Variants in NCAM2 observed in about 807,000 individuals in gnomAD.
The protein encoded by NCAM2 is N-CAM-2.
A neutral mutation model predicts 98.1 loss-of-function variants in NCAM2; 30 were observed. That is an observed-to-expected ratio of 0.31 (90% CI 0.23 to 0.41). The LOEUF (loss-of-function observed/expected upper bound fraction) is 0.41, where lower values mean the gene tolerates loss of function less well. Among genes scored for constraint, NCAM2 ranks in the 10% least tolerant of loss-of-function variants. The pLI is 1.00. For missense variants in NCAM2, 867 were observed against 1,005.8 expected, an observed-to-expected ratio of 0.86 and a Z score of 1.87; for synonymous variants, 368 against 342.4, an observed-to-expected ratio of 1.07 and a Z score of -0.83.
At chr21:21,023,213 CTG>C (rs2064471586) in intron 1 of NCAM2, among the ~76,000 whole-genome samples, 1 of 152,068 alleles carries the variant, frequency 6.6e-6, no homozygotes, top group African/African-American at 2.4e-5. Context: ...AATGAGGTAA[CTG>C]TACTAGTTAT....
At chr21:21,122,327 C>T (rs2066692881) in intron 1 of NCAM2, among the ~76,000 whole-genome samples, 2 of 152,142 alleles carry the variant, frequency 1.3e-5, no homozygotes, top group Admixed American at 1.3e-4. Context: ...GTGTTCCAGG[C>T]ACTCCATATA....
chr21:21,158,724 A>G (rs1218057018), intron 1 of NCAM2, among the ~76,000 whole-genome samples: 1 of 152,196 alleles, frequency 6.6e-6, no homozygotes, highest in Non-Finnish European at 1.5e-5. Flanking sequence ...GATGACGCTG[A>G]TGTAAACAAA....
chr21:21,168,345 T>C (rs1471013389), intron 1 of NCAM2, among the ~76,000 whole-genome samples: 1 of 152,072 alleles, frequency 6.6e-6, no homozygotes, highest in Non-Finnish European at 1.5e-5. Context: ...AACACCATAC[T>C]TGGTGTTAAA....
intron 8 of NCAM2, among the ~76,000 whole-genome samples, chr21:21,366,412 C>T (rs1160559308): frequency 6.6e-6 from 1 of 151,976 alleles, no homozygotes; most frequent in African/African-American, 2.4e-5. Context: ...TTATCATGTA[C>T]CTAGCATGGA....
At chr21:21,483,155 T>C (rs942829271) in intron 15 of NCAM2, among the ~76,000 whole-genome samples, 20 of 152,070 alleles carry the variant, frequency 1.3e-4, no homozygotes, top group African/African-American at 4.6e-4. Flanking sequence ...ATAACATTTA[T>C]ATTTAACCAA....
chr21:21,255,607 C>T (rs1194738120), intron 1 of NCAM2, among the ~76,000 whole-genome samples: 2 of 152,292 alleles, frequency 1.3e-5, no homozygotes, highest in Middle Eastern at 3.4e-3. Context: ...TAACCAATTC[C>T]TAATATATAA....
chr21:21,542,757 GC>G lies in NCAM2; in HGVS notation c.*4801del, dbSNP rs1237072464. On this transcript the variant is annotated 3_prime_UTR_variant, in exon 18 of 18. Transcript: ENST00000400546. The stretch of plus-strand genomic sequence containing the variant: ...TGCTAGACCAGGGACTAGGAACGTT[GC>G]TTAGATAAAAATTATGGCCGATTAC... 1 of 151,884 alleles carries G rather than the reference GC, an allele frequency of 6.6e-6. No individual in the cohort carries two copies. The highest frequency in any genetic ancestry group is 2.4e-5 in the African/African-American group (1 of 41,428). The allele number at this position is 151,884 out of a possible 1,614,324, so 9.4% of individuals were successfully genotyped here.
chr21:21,041,016 C>T (rs6518049), intron 1 of NCAM2, among the ~76,000 whole-genome samples: 141,737 of 152,176 alleles, frequency 0.93, 66,826 homozygotes, highest in East Asian at 1. Flanking sequence ...ATGCATGTAT[C>T]AAAATATCAC....
At chr21:21,536,483 C>G (rs1989990425) in intron 17 of NCAM2, among the ~76,000 whole-genome samples, 1 of 151,780 alleles carries the variant, frequency 6.6e-6, no homozygotes, top group South Asian at 2.1e-4. Flanking sequence ...CCTCCGCCTC[C>G]CAGGTTCAAG....
intron 5 of NCAM2, among the ~76,000 whole-genome samples, chr21:21,306,979 A>T (rs1340767720): frequency 6.6e-6 from 1 of 152,132 alleles, no homozygotes; most frequent in Non-Finnish European, 1.5e-5. Flanking sequence ...ATTTCACTTA[A>T]CGTAATGATC....
At chr21:21,265,103 ATAAT>A (rs1410273086) in intron 1 of NCAM2, among the ~76,000 whole-genome samples, 1 of 32,660 alleles carries the variant, frequency 3.1e-5, no homozygotes, top group Non-Finnish European at 6.1e-5. Context: ...ATATACATAT[ATAAT>A]ATATATACAT....
At chr21:20,999,298 C>T (rs1408414655) in intron 1 of NCAM2, among the ~76,000 whole-genome samples, 1 of 151,776 alleles carries the variant, frequency 6.6e-6, no homozygotes, top group Non-Finnish European at 1.5e-5. Flanking sequence ...ATTGTAATTA[C>T]ACCTGTAGAG....
rs539665739 is a variant in NCAM2 at position 21,505,414 on chromosome 21, T to C, written c.2078-3437T>C. 7.9e-5 allele frequency among the ~76,000 whole-genome samples: 12 copies of C among 152,180 alleles called. No individual in the cohort carries two copies. The East Asian group carries it at 1.7e-3, about 22-fold the overall frequency. On this transcript the variant is annotated intron_variant, in intron 15 of 17. Transcript: ENST00000400546. ...CTTGACCTCAAACTCTAAACCACCA[T>C]AACTGTTAAGAAATAAATTTCTTTT...
rs1394070133 is a variant in NCAM2, at chr21:21,541,996, T to C, written c.*4039T>C. 6.6e-6 allele frequency: 1 copy of C among 151,934 alleles called. No homozygotes were observed. The highest frequency in any genetic ancestry group is 2.4e-5 in the African/African-American group (1 of 41,436). The allele number at this position is 151,934 out of a possible 1,614,324, so 9.4% of individuals were successfully genotyped here. A position where few individuals can be genotyped will look rare whatever the true frequency, so the allele number is the denominator to read the frequency against. ...AAGCATTAATACTTAGTCACTCACA[T>C]TGAAATTGCATATGGATGTATCAAC... On this transcript the variant is annotated 3_prime_UTR_variant, in exon 18 of 18. Coordinates refer to ENST00000400546, the MANE Select transcript of NCAM2 (RefSeq NM_004540.5).
intron 1 of NCAM2, among the ~76,000 whole-genome samples, chr21:21,048,778 G>A (rs1403128124): frequency 6.6e-6 from 1 of 152,086 alleles, no homozygotes; most frequent in Admixed American, 6.5e-5. Context: ...ACAGGCCATG[G>A]TCTCTCATAT....
chr21:21,371,298 T>G (rs980247001), intron 8 of NCAM2, among the ~76,000 whole-genome samples: 1 of 151,872 alleles, frequency 6.6e-6, no homozygotes, highest in South Asian at 2.1e-4. Context: ...AGAGTGTTGG[T>G]TTTTCTGTCT....
At position 21,284,281 on chromosome 21, in the gene NCAM2, G is replaced by A. The variant is rs748962938; in HGVS notation, c.218G>A (p.Gly73Asp). ...STQRVVVQKEGVRSRLTIYNA... is the reference protein window; with the variant it reads ...STQRVVVQKEDVRSRLTIYNA... ...CAGAGGGTAGTAGTGCAAAAGGAAGGTGTTAGGTCACGGTTAACCATCTAC... is the reference window on the plus strand; with the variant it reads ...CAGAGGGTAGTAGTGCAAAAGGAAGATGTTAGGTCACGGTTAACCATCTAC... Residue 73 changes from glycine (G) to aspartate (D), a missense_variant, in exon 3 of 18, where the codon GGT becomes GAT. By Grantham distance (94) the Gly-to-Asp change is moderately conservative (BLOSUM62 -1). Coordinates refer to ENST00000400546, the MANE Select transcript of NCAM2 (RefSeq NM_004540.5). The A allele has an allele frequency of 1.2e-6, 2 of 1,612,024 alleles. No homozygotes were observed. Among genetic ancestry groups the A allele is most frequent in the South Asian group, 2.2e-5 (2 of 91,052 alleles).
intron 8 of NCAM2, among the ~76,000 whole-genome samples, chr21:21,345,983 A>G (rs1226260197): frequency 6.6e-6 from 1 of 152,152 alleles, no homozygotes; most frequent in African/African-American, 2.4e-5. Flanking sequence ...AGAAAGAAGG[A>G]AGAGAAGACC....
Position 21,138,854 on chromosome 21 carries a change from G to A in NCAM2, c.55+140236G>A, listed in dbSNP as rs543305273. On this transcript the variant is annotated intron_variant, in intron 1 of 17. Transcript: ENST00000400546. ...GTGGAAGCCAACTTAGGTAAGGTAA[G>A]GTAAAATAACCCTTTAATGTAGTCA... is the stretch of plus-strand genomic sequence containing the variant. Among the ~76,000 whole-genome samples the A allele has an allele frequency of 3.9e-5, 6 of 152,152 alleles. No homozygotes were observed. In the South Asian group the frequency reaches 1.2e-3, roughly 32 times the overall value.
Sources: gnomAD v4.1 joint callset for allele counts (sites outside exome capture counted in the v4.1 genomes callset) on GRCh38, gnomAD v4.1.1 for gene constraint, MANE v1.5 for transcripts, NCBI Gene and HGNC (gene_info 2026-07-23, HGNC 2026-07-21) for gene names.